The following TMEM87A variants were observed in gnomAD, a reference collection of about 807,000 sequenced individuals.
TMEM87A encodes the protein transmembrane protein 87A, also known as Golgi-pH regulating cation channel.
In TMEM87A, 50 loss-of-function variants were observed where a neutral mutation model predicts 90.0. That is an observed-to-expected ratio of 0.56 (90% CI 0.44 to 0.70). TMEM87A has a LOEUF of 0.70. Ranked by LOEUF, TMEM87A falls within the 30% of genes least tolerant of loss-of-function variation. TMEM87A has a pLI of 0.00. For missense variants in TMEM87A, 577 were observed against 660.5 expected (o/e 0.87, Z 1.39); for synonymous variants, 226 against 226.7 (o/e 1.00, Z 0.03).
intron 3 of TMEM87A, among the ~76,000 whole-genome samples, chr15:42,266,121 T>C (rs992128191): frequency 2.6e-5 from 4 of 152,224 alleles, no homozygotes; most frequent in Admixed American, 6.5e-5. Context: ...AGTCAGGTAA[T>C]GTGATGCTTC....
At chr15:42,260,519 GT>G (rs548797076) in intron 6 of TMEM87A, among the ~76,000 whole-genome samples, 283 of 152,274 alleles carry the variant, frequency 1.9e-3, no homozygotes, top group African/African-American at 6.4e-3. Context: ...AACTGGTGAT[GT>G]TTTGAGGAAT....
chr15:42,254,362 C>A (rs1325654751), intron 6 of TMEM87A, among the ~76,000 whole-genome samples: 1 of 152,190 alleles, frequency 6.6e-6, no homozygotes, highest in East Asian at 1.9e-4. Flanking sequence ...TTGATAATTA[C>A]CCAAATGAGT....
chr15:42,259,215 T>C (rs113045109), intron 6 of TMEM87A, among the ~76,000 whole-genome samples: 11,534 of 151,260 alleles, frequency 0.076, 485 homozygotes, highest in South Asian at 0.16. Flanking sequence ...CTCCACCTTC[T>C]GGGTTCAAGT....
At chr15:42,214,377 CAAG>C (rs1372842617) in intron 19 of TMEM87A, among the ~76,000 whole-genome samples, 1 of 152,134 alleles carries the variant, frequency 6.6e-6, no homozygotes, top group Non-Finnish European at 1.5e-5. Context: ...AAAGACATGA[CAAG>C]AAGAGAAACG....
chr15:42,229,942 C>G (rs1464433519), intron 12 of TMEM87A, among the ~76,000 whole-genome samples: 2 of 152,202 alleles, frequency 1.3e-5, no homozygotes, highest in Non-Finnish European at 2.9e-5. Context: ...TCTCCTGCCT[C>G]AGGCTCCCGA....
chr15:42,254,420 GT>G (rs753830234), intron 6 of TMEM87A, among the ~76,000 whole-genome samples: 2 of 152,204 alleles, frequency 1.3e-5, no homozygotes, highest in East Asian at 3.9e-4. Context: ...GTTTACAACA[GT>G]TTTATCTATA....
chr15:42,269,555 A>G (rs1051984702), intron 2 of TMEM87A, among the ~76,000 whole-genome samples: 5 of 152,204 alleles, frequency 3.3e-5, no homozygotes, highest in African/African-American at 1.2e-4. Flanking sequence ...CACATCCCCC[A>G]AACAGGAGAC....
At chr15:42,231,312 G>A (rs768598563) in intron 11 of TMEM87A, 52 bp from the exon 12 acceptor site, 1 of 1,440,196 alleles carries the variant, frequency 6.9e-7, no homozygotes, top group Non-Finnish European at 9.4e-7. Flanking sequence ...GAGAGGCACA[G>A]AGAAGAAACC....
At chr15:42,252,798 T>C (rs995488203) in intron 6 of TMEM87A, among the ~76,000 whole-genome samples, 2 of 147,320 alleles carry the variant, frequency 1.4e-5, no homozygotes, top group East Asian at 3.9e-4. Context: ...AGGCTTCCTC[T>C]TCAAAGCATG....
chr15:42,252,879 T>C (rs1358958726), intron 6 of TMEM87A, among the ~76,000 whole-genome samples: 1 of 152,242 alleles, frequency 6.6e-6, no homozygotes, highest in Non-Finnish European at 1.5e-5. Flanking sequence ...CACTGAAAAC[T>C]GAATGTTATA....
At chr15:42,259,039 T>C (rs2051236662) in intron 6 of TMEM87A, 1 of 725,750 alleles carries the variant, frequency 1.4e-6, no homozygotes, top group South Asian at 1.5e-5. Flanking sequence ...CCTATTCCCA[T>C]TCCTCTCTCC....
At chr15:42,255,555 A>G (rs1174932867) in intron 6 of TMEM87A, among the ~76,000 whole-genome samples, 2 of 152,042 alleles carry the variant, frequency 1.3e-5, no homozygotes, top group African/African-American at 4.8e-5. Flanking sequence ...AAGCCACTGC[A>G]CTGCCCTCTC....
chr15:42,222,277 G>A lies in TMEM87A; in HGVS notation c.1404-2142C>T, dbSNP rs138081924. ...TTTTCTAGTTGGTCAAACTGGTCTC[G>A]AACTCCTGACCTCAGGTGATCTGTC... is the stretch of plus-strand genomic sequence containing the variant. On this transcript the variant is annotated intron_variant, in intron 15 of 19. Transcript: ENST00000389834. Among the ~76,000 whole-genome samples the A allele has an allele frequency of 2.5e-3, 378 of 152,116 alleles. 3 individuals carry two copies. Among genetic ancestry groups the A allele is most frequent in the African/African-American group, 7.7e-3 (321 of 41,486 alleles).
chr15:42,271,536 T>C (rs1595755084), intron 2 of TMEM87A: 1 of 152,224 alleles, frequency 6.6e-6, no homozygotes, highest in East Asian at 1.9e-4. Context: ...TTCCTATGTT[T>C]AGATATACAA....
chr15:42,254,949 C>T (rs531029685), intron 6 of TMEM87A, among the ~76,000 whole-genome samples: 31 of 144,710 alleles, frequency 2.1e-4, no homozygotes, highest in African/African-American at 7.6e-4. Context: ...ATAGACACAG[C>T]ATGTGGGAGG....
intron 2 of TMEM87A, chr15:42,271,744 T>C (rs961908531): frequency 6.5e-6 from 1 of 154,076 alleles, no homozygotes; most frequent in African/African-American, 2.4e-5. Context: ...ACTGTAAATG[T>C]AATTCGACTG....
intron 15 of TMEM87A, among the ~76,000 whole-genome samples, chr15:42,225,175 A>C (rs1467851554): frequency 6.6e-6 from 1 of 152,086 alleles, no homozygotes; most frequent in African/African-American, 2.4e-5. Flanking sequence ...AAAGGATTTC[A>C]CCTATTTTCT....
chr15:42,261,152 A>G, intron 5 of TMEM87A, 44 bp downstream of exon 5: 1 of 1,601,186 alleles, frequency 6.2e-7, no homozygotes, highest in Non-Finnish European at 8.5e-7. Context: ...TGCACCACCA[A>G]AGTTTTTACT....
At chr15:42,218,623 T>C (rs531371762) in intron 17 of TMEM87A, among the ~76,000 whole-genome samples, 2 of 152,330 alleles carry the variant, frequency 1.3e-5, no homozygotes, top group Non-Finnish European at 2.9e-5. Context: ...TTCTAGGAAT[T>C]CAACTTTTTT....
Sources: gnomAD v4.1 joint callset for allele counts (sites outside exome capture counted in the v4.1 genomes callset) on GRCh38, gnomAD v4.1.1 for gene constraint, MANE v1.5 for transcripts, NCBI Gene and HGNC (gene_info 2026-07-23, HGNC 2026-07-21) for gene names.